The following PRDM14 variants were observed in gnomAD, a reference collection of about 807,000 sequenced individuals.
PRDM14 encodes PR domain zinc finger protein 14.
In PRDM14, 16 loss-of-function variants were observed where a neutral mutation model predicts 48.0. The observed-to-expected ratio is 0.33, with a 90% confidence interval of 0.23 to 0.51. PRDM14 has a LOEUF of 0.51. Among genes scored for constraint, PRDM14 ranks in the 20% least tolerant of loss-of-function variants. The probability of loss-of-function intolerance (pLI) is 0.97; values close to 1 mark genes in which losing one functional copy is unlikely to be tolerated. For synonymous variants in PRDM14, 264 were observed against 276.6 expected, an observed-to-expected ratio of 0.95 and a Z score of 0.45; for missense variants, 566 against 719.6, an observed-to-expected ratio of 0.79 and a Z score of 2.44.
intron 5 of PRDM14, 62 bp from the exon 6 acceptor site, chr8:70,058,904 G>T: frequency 1.5e-6 from 2 of 1,292,464 alleles, no homozygotes; most frequent in Non-Finnish European, 2.2e-6. Context: ...CCTTCAAGAG[G>T]ATATTTATTT....
rs753512768 is a variant in PRDM14, at chr8:70,058,274, G to A, written c.1386+366C>T. On this transcript the variant is annotated intron_variant, in intron 6 of 7. Transcript: ENST00000276594. ...CACATGCCAGGCTCTCTCCTGTCTGGAACAGCTCGACTCTTTCCTGCCCAA... is the reference window on the plus strand; with the variant it reads ...CACATGCCAGGCTCTCTCCTGTCTGAAACAGCTCGACTCTTTCCTGCCCAA... 2.6e-5 allele frequency among the ~76,000 whole-genome samples: 4 copies of A among 152,118 alleles called. No homozygotes were observed. In the East Asian group the frequency reaches 5.8e-4, roughly 22 times the overall value.
At chr8:70,060,207 C>A (rs1483919714) in intron 5 of PRDM14, among the ~76,000 whole-genome samples, 1 of 151,908 alleles carries the variant, frequency 6.6e-6, no homozygotes, top group Non-Finnish European at 1.5e-5. Context: ...TTGAGACCAG[C>A]CTGGGCAACA....
chr8:70,064,708 G>A (rs536090311), intron 5 of PRDM14, among the ~76,000 whole-genome samples: 2 of 151,668 alleles, frequency 1.3e-5, no homozygotes, highest in African/African-American at 4.8e-5. Context: ...TGTATTTTTA[G>A]TAGAGAAGAG....
At chr8:70,065,242 A>G (rs971248952) in intron 5 of PRDM14, among the ~76,000 whole-genome samples, 1 of 151,958 alleles carries the variant, frequency 6.6e-6, no homozygotes, top group African/African-American at 2.4e-5. Flanking sequence ...ACCTCAAGTG[A>G]TCCGCCCATC....
At chr8:70,063,931 C>T (rs912613170) in intron 5 of PRDM14, among the ~76,000 whole-genome samples, 2 of 152,122 alleles carry the variant, frequency 1.3e-5, no homozygotes, top group Non-Finnish European at 2.9e-5. Context: ...CATAGAGAAT[C>T]CCAACCATTT....
At chr8:70,054,456 A>C (rs1585646662) in intron 7 of PRDM14, among the ~76,000 whole-genome samples, 1 of 152,056 alleles carries the variant, frequency 6.6e-6, no homozygotes, top group Middle Eastern at 3.4e-3. Flanking sequence ...CTAGGTAAGC[A>C]CCAGAGGCAG....
chr8:70,058,236 A>C (rs1805513924), intron 6 of PRDM14, among the ~76,000 whole-genome samples: 1 of 152,208 alleles, frequency 6.6e-6, no homozygotes, highest in African/African-American at 2.4e-5. Flanking sequence ...AACAAGGCGC[A>C]GTTCCCCAGG....
intron 5 of PRDM14, among the ~76,000 whole-genome samples, chr8:70,063,291 G>T (rs893189039): frequency 6.6e-6 from 1 of 151,834 alleles, no homozygotes; most frequent in African/African-American, 2.4e-5. Flanking sequence ...AAAATTAGCT[G>T]GGTGTGGTGG....
At chr8:70,053,579 G>C (rs1585646259) in intron 7 of PRDM14, among the ~76,000 whole-genome samples, 1 of 152,048 alleles carries the variant, frequency 6.6e-6, no homozygotes, top group African/African-American at 2.4e-5. Context: ...AGTAGAGATG[G>C]TGTTTCTCCA....
chr8:70,063,208 T>C (rs915597877), intron 5 of PRDM14, among the ~76,000 whole-genome samples: 3 of 152,042 alleles, frequency 2.0e-5, no homozygotes, highest in African/African-American at 7.2e-5. Context: ...CCAAGGTGGG[T>C]GGATCACTTG....
intron 7 of PRDM14, among the ~76,000 whole-genome samples, chr8:70,054,801 G>C (rs555611973): frequency 6.6e-6 from 1 of 151,142 alleles, no homozygotes; most frequent in East Asian, 2.0e-4. Context: ...TTACGGGCTT[G>C]AGCCACCACG....
rs117931843 is a variant in PRDM14 at position 70,066,649 on chromosome 8, A to C, written c.913-144T>G. Reference sequence around the variant, plus strand: ...TCATTCTGATTTTTATGTCATTACAAGTAGTTTATAAATTTACTTATGCCA... The same window carrying C: ...TCATTCTGATTTTTATGTCATTACACGTAGTTTATAAATTTACTTATGCCA... On this transcript the variant is annotated intron_variant, in intron 4 of 7. Transcript: ENST00000276594. The C allele has an allele frequency of 3.7e-3, 2,546 of 682,842 alleles. 10 individuals are homozygous for C. Among genetic ancestry groups the C allele is most frequent in the Non-Finnish European group, 5.0e-3 (2,041 of 406,582 alleles). 42.3% of individuals were successfully genotyped at this position (682,842 alleles called of 1,614,324 possible).
rs1352743058 is a variant in PRDM14, at chr8:70,069,440, C to T, written c.421G>A (p.Gly141Ser). The change falls in exon 2 of 8, where the codon GGC becomes AGC. Residue 141 changes from glycine (G) to serine (S), a missense_variant. By Grantham distance (56) the Gly-to-Ser change is moderately conservative. Coordinates refer to ENST00000276594, the MANE Select transcript of PRDM14 (RefSeq NM_024504.4). ...HQIIGGDNES[G>S]PCCGPDTLIP... The stretch of plus-strand genomic sequence containing the variant: ...AAAGTGTCAGGTCCACAACACGGGC[C>T]ACTCTCGTTGTCGCCACCAATGATT... The T allele has an allele frequency of 3.2e-6, 5 of 1,586,582 alleles. No homozygotes were observed. The highest frequency in any genetic ancestry group is 4.3e-6 in the Non-Finnish European group (5 of 1,165,116).
chr8:70,053,744 G>A (rs953527018), intron 7 of PRDM14, among the ~76,000 whole-genome samples: 79 of 152,232 alleles, frequency 5.2e-4, no homozygotes, highest in Non-Finnish European at 1.5e-4. Flanking sequence ...CACTTTGGAG[G>A]TATTAGTTGC....
intron 2 of PRDM14, 32 bp downstream of exon 2, chr8:70,069,129 T>A: frequency 2.1e-6 from 3 of 1,447,608 alleles, no homozygotes; most frequent in Non-Finnish European, 2.7e-6. Flanking sequence ...TCCCGTCCAA[T>A]TCGACTCCCA....
chr8:70,070,282 G>T (rs55844129), intron 1 of PRDM14, among the ~76,000 whole-genome samples: 20,528 of 152,124 alleles, frequency 0.13, 1,995 homozygotes, highest in East Asian at 0.37. Flanking sequence ...TACAAAACTC[G>T]TTGGTAGGGT....
At chr8:70,060,045 A>G (rs1184025834) in intron 5 of PRDM14, among the ~76,000 whole-genome samples, 1 of 145,128 alleles carries the variant, frequency 6.9e-6, no homozygotes, top group Non-Finnish European at 1.5e-5. Flanking sequence ...GTGAGCCAAG[A>G]TTGCACCACT....
At chr8:70,067,361 T>C (rs965283279) in intron 4 of PRDM14, among the ~76,000 whole-genome samples, 1 of 151,832 alleles carries the variant, frequency 6.6e-6, no homozygotes, top group Non-Finnish European at 1.5e-5. Flanking sequence ...CTACTAAAAA[T>C]ACAAAAATTA....
At chr8:70,066,151 A>G in intron 5 of PRDM14, 84 bp downstream of exon 5, 1 of 1,423,010 alleles carries the variant, frequency 7.0e-7, no homozygotes, top group Non-Finnish European at 9.6e-7. Context: ...AGGAGGGAGG[A>G]GCTGTGCATG....
Sources: allele counts gnomAD v4.1 joint callset (sites outside exome capture counted in the v4.1 genomes callset), GRCh38; gene constraint gnomAD v4.1.1; transcripts MANE v1.5; gene names NCBI Gene and HGNC (gene_info 2026-07-23, HGNC 2026-07-21).